The following TSHZ2 variants were observed in gnomAD, a reference collection of about 807,000 sequenced individuals.
The protein encoded by TSHZ2 is teashirt homolog 2.
A neutral mutation model predicts 74.4 loss-of-function variants in TSHZ2; 21 were observed. That is an observed-to-expected ratio of 0.28 (90% CI 0.20 to 0.41). TSHZ2 has a LOEUF of 0.41. Among genes scored for constraint, TSHZ2 ranks in the 10% least tolerant of loss-of-function variants. The pLI, the probability that TSHZ2 is intolerant of heterozygous loss-of-function variation, is 1.00. For missense variants in TSHZ2, 1,244 were observed against 1,293.5 expected (o/e 0.96, Z 0.59); for synonymous variants, 540 against 515.3 (o/e 1.05, Z -0.65).
At chr20:53,189,636 T>C (rs2123536707) in intron 1 of TSHZ2, among the ~76,000 whole-genome samples, 1 of 152,220 alleles carries the variant, frequency 6.6e-6, no homozygotes, top group Non-Finnish European at 1.5e-5. Context: ...ACATCAAGAG[T>C]GTAAGAGCCA....
At chr20:53,268,717 G>A (rs565336733) in intron 2 of TSHZ2, among the ~76,000 whole-genome samples, 4 of 152,322 alleles carry the variant, frequency 2.6e-5, no homozygotes, top group African/African-American at 9.6e-5. Flanking sequence ...CCTGTTGACT[G>A]GAACAAACAA....
intron 1 of TSHZ2, among the ~76,000 whole-genome samples, chr20:52,974,617 C>T (rs1245334880): frequency 6.6e-6 from 1 of 152,188 alleles, no homozygotes; most frequent in Non-Finnish European, 1.5e-5. Context: ...TCTAGCAAAA[C>T]ATAGGGAGAA....
At chr20:53,335,419 C>T (rs891622400) in intron 2 of TSHZ2, among the ~76,000 whole-genome samples, 3 of 152,204 alleles carry the variant, frequency 2.0e-5, no homozygotes, top group African/African-American at 4.8e-5. Context: ...TCAGACTTCT[C>T]CAGTTTGCCA....
chr20:53,055,920 C>G (rs1334313466), intron 1 of TSHZ2, among the ~76,000 whole-genome samples: 1 of 152,202 alleles, frequency 6.6e-6, no homozygotes, highest in Non-Finnish European at 1.5e-5. Context: ...GCAACAGAGA[C>G]AGTGTGACCT....
At chr20:53,482,147 A>C (rs1986170249) in intron 2 of TSHZ2, among the ~76,000 whole-genome samples, 1 of 149,272 alleles carries the variant, frequency 6.7e-6, no homozygotes, top group Non-Finnish European at 1.5e-5. Context: ...AACTATACTC[A>C]GATATTCTTG....
At chr20:53,057,687 C>G (rs1984687219) in intron 1 of TSHZ2, among the ~76,000 whole-genome samples, 1 of 152,126 alleles carries the variant, frequency 6.6e-6, no homozygotes, top group Admixed American at 6.5e-5. Flanking sequence ...CCCCAAATAC[C>G]TACTGTATTC....
chr20:53,144,737 A>G (rs1292283312), intron 1 of TSHZ2, among the ~76,000 whole-genome samples: 1 of 152,152 alleles, frequency 6.6e-6, no homozygotes, highest in African/African-American at 2.4e-5. Flanking sequence ...CAAATACTAT[A>G]TATACTATGT....
chr20:53,250,850 A>AG (rs1315236452), intron 1 of TSHZ2, among the ~76,000 whole-genome samples: 1 of 151,870 alleles, frequency 6.6e-6, no homozygotes, highest in African/African-American at 2.4e-5. Context: ...AAAAAAAAAA[A>AG]AGAACACTTC....
intron 1 of TSHZ2, among the ~76,000 whole-genome samples, chr20:53,131,907 A>G (rs1987113941): frequency 1.4e-5 from 2 of 146,478 alleles, no homozygotes; most frequent in African/African-American, 2.5e-5. Flanking sequence ...GTAAAATTGA[A>G]GAGTGTTGCA....
At chr20:52,992,001 G>A (rs528400696) in intron 1 of TSHZ2, among the ~76,000 whole-genome samples, 1 of 152,274 alleles carries the variant, frequency 6.6e-6, no homozygotes, top group Non-Finnish European at 1.5e-5. Flanking sequence ...TGACCTCCTG[G>A]TCATGGCTTG....
rs1356786268 is a variant in TSHZ2, at chr20:53,469,606, AAGAT to A, written c.*9-17530_*9-17527del. Among the ~76,000 whole-genome samples, 22 of 72,646 alleles carry A rather than the reference AAGAT, an allele frequency of 3.0e-4. 2 individuals are homozygous for A. Among genetic ancestry groups the A allele is most frequent in the Admixed American group, 8.9e-4 (6 of 6,762 alleles). 47.7% of individuals were successfully genotyped at this position (72,646 alleles called of 152,430 possible). On this transcript the variant is annotated intron_variant, in intron 2 of 2. Transcript: ENST00000371497. The stretch of plus-strand genomic sequence containing the variant: ...GAAGGAAGGAAGGAAGGACCCAAGA[AAGAT>A]AGATAGAGAGGGAGGAAGGGAGGGA...
intron 2 of TSHZ2, among the ~76,000 whole-genome samples, chr20:53,417,997 CAAAT>C (rs1983331188): frequency 6.6e-6 from 1 of 152,110 alleles, no homozygotes; most frequent in Admixed American, 6.5e-5. Flanking sequence ...AGCAAATCAT[CAAAT>C]AAACAAAACA....
intron 1 of TSHZ2, among the ~76,000 whole-genome samples, chr20:53,044,688 T>G (rs1356957992): frequency 1.3e-5 from 2 of 152,106 alleles, no homozygotes; most frequent in Non-Finnish European, 2.9e-5. Context: ...ACAGTGCTGC[T>G]TGTATGTTTT....
intron 2 of TSHZ2, among the ~76,000 whole-genome samples, chr20:53,444,305 C>G (rs1984464467): frequency 6.6e-6 from 1 of 152,190 alleles, no homozygotes; most frequent in Admixed American, 6.5e-5. Context: ...TGCTCTCCCT[C>G]CACACACGGC....
At chr20:53,119,983 T>A (rs1207193603) in intron 1 of TSHZ2, among the ~76,000 whole-genome samples, 1 of 152,226 alleles carries the variant, frequency 6.6e-6, no homozygotes, top group African/African-American at 2.4e-5. Flanking sequence ...ATGTTTTGTT[T>A]TGTTTTTAAT....
At chr20:53,348,529 AAAAAG>A (rs1475114326) in intron 2 of TSHZ2, among the ~76,000 whole-genome samples, 82 of 138,700 alleles carry the variant, frequency 5.9e-4, no homozygotes, top group Admixed American at 2.2e-4. Context: ...ATTTAGAAAA[AAAAAG>A]AAAAGAAAAA....
At chr20:53,326,233 G>T (rs1391632645) in intron 2 of TSHZ2, among the ~76,000 whole-genome samples, 3 of 152,190 alleles carry the variant, frequency 2.0e-5, no homozygotes, top group Non-Finnish European at 2.9e-5. Flanking sequence ...GAGGAACAAT[G>T]ACTTTTGTCG....
intron 2 of TSHZ2, among the ~76,000 whole-genome samples, chr20:53,352,810 A>G (rs1301341540): frequency 6.6e-6 from 1 of 150,708 alleles, no homozygotes; most frequent in Non-Finnish European, 1.5e-5. Flanking sequence ...AAATAAGATG[A>G]GAATTTTAGG....
At chr20:53,441,808 C>G (rs891281088) in intron 2 of TSHZ2, among the ~76,000 whole-genome samples, 3 of 151,680 alleles carry the variant, frequency 2.0e-5, no homozygotes, top group Non-Finnish European at 4.4e-5. Flanking sequence ...TCTTGAACTC[C>G]TGACCTCAAA....
Sources: allele counts gnomAD v4.1 joint callset (sites outside exome capture counted in the v4.1 genomes callset), GRCh38; gene constraint gnomAD v4.1.1; transcripts MANE v1.5; gene names NCBI Gene and HGNC (gene_info 2026-07-23, HGNC 2026-07-21).